Variants in MS4A4E observed in about 807,000 individuals in gnomAD.
MS4A4E encodes the protein putative membrane-spanning 4-domains subfamily A member 4E.
A neutral mutation model predicts 13.3 loss-of-function variants in MS4A4E; 23 were observed. The ratio of observed to expected loss-of-function variants is 1.73; its 90% CI spans 1.25 to 2.45. The LOEUF (loss-of-function observed/expected upper bound fraction) is 2.45, where lower values mean the gene tolerates loss of function less well. Among genes scored for constraint, MS4A4E ranks in the 30% most tolerant of loss-of-function variants. The pLI, the probability that MS4A4E is intolerant of heterozygous loss-of-function variation, is 0.00. For synonymous variants in MS4A4E, 36 were observed against 45.6 expected (o/e 0.79, Z 0.85); for missense variants, 144 against 131.2 (o/e 1.10, Z -0.48).
At chr11:60,206,246 G>A (rs566460613) in intron 6 of MS4A4E, among the ~76,000 whole-genome samples, 14 of 151,912 alleles carry the variant, frequency 9.2e-5, no homozygotes, top group South Asian at 2.1e-4. Flanking sequence ...TGGAGACCTC[G>A]TTTTAGCAAT....
rs867127647 is a variant in MS4A4E at position 60,201,045 on chromosome 11, T to G, written c.*498A>C. ...GACCCCCCCACCTCCCTCCCAGACG[T>G]GGTGGCTGGCCGGGTGGGGGGCTGA... On this transcript the variant is annotated 3_prime_UTR_variant, in exon 9 of 9. Transcript: ENST00000651255. Among the ~76,000 whole-genome samples the G allele has an allele frequency of 5.7e-5, 5 of 88,234 alleles. No individual in the cohort carries two copies. The highest frequency in any genetic ancestry group is 8.9e-5 in the Non-Finnish European group (4 of 44,798). The allele number at this position is 88,234 out of a possible 152,430, so 57.9% of individuals were successfully genotyped here. A position where few individuals can be genotyped will look rare whatever the true frequency, so the allele number is the denominator to read the frequency against.
At chr11:60,225,966 G>A (rs1202276366) in intron 3 of MS4A4E, among the ~76,000 whole-genome samples, 1 of 151,568 alleles carries the variant, frequency 6.6e-6, no homozygotes, top group African/African-American at 2.4e-5. Context: ...AAGTGAAAGG[G>A]GGAATATCAC....
At position 60,200,842 on chromosome 11, in the gene MS4A4E, G is replaced by C. The variant is rs1201678449; in HGVS notation, c.*701C>G. Among the ~76,000 whole-genome samples, 2 of 151,130 alleles carry C rather than the reference G, an allele frequency of 1.3e-5. No homozygotes were observed. The highest frequency in any genetic ancestry group is 4.9e-5 in the African/African-American group (2 of 40,646). ...GATGGGGTGGTGGCCGGGCAGAGGG[G>C]CTCCTCACTTCCCAGTAGGGGCGGC... On this transcript the variant is annotated 3_prime_UTR_variant, in exon 9 of 9. Transcript: ENST00000651255.
At chr11:60,203,904 A>G (rs1000781056) in intron 8 of MS4A4E, among the ~76,000 whole-genome samples, 6 of 152,254 alleles carry the variant, frequency 3.9e-5, no homozygotes, top group Non-Finnish European at 1.5e-5. Flanking sequence ...TTAAAATTGC[A>G]TGATATGAAA....
At chr11:60,207,453 T>G (rs1258479474) in intron 6 of MS4A4E, among the ~76,000 whole-genome samples, 1 of 152,156 alleles carries the variant, frequency 6.6e-6, no homozygotes, top group Non-Finnish European at 1.5e-5. Flanking sequence ...GGTTTTACAA[T>G]GCAAAACCCC....
At chr11:60,231,340 A>C (rs139351206) in intron 1 of MS4A4E, among the ~76,000 whole-genome samples, 1 of 151,986 alleles carries the variant, frequency 6.6e-6, no homozygotes, top group Admixed American at 6.5e-5. Flanking sequence ...GAAATAAATA[A>C]TGTAAATGTG....
rs1299473276 is a variant in MS4A4E at position 60,200,937 on chromosome 11, C to T, written c.*606G>A. On this transcript the variant is annotated 3_prime_UTR_variant, in exon 9 of 9. Transcript: ENST00000651255. The stretch of plus-strand genomic sequence containing the variant: ...GCGGGGGGCTGACCCCTCCACCTCC[C>T]TCCCGGACGGGGCGGCTGGCCGGGT... Among the ~76,000 whole-genome samples, 3 of 149,244 alleles carry T rather than the reference C, an allele frequency of 2.0e-5. No homozygotes were observed. The highest frequency in any genetic ancestry group is 2.1e-4 in the South Asian group (1 of 4,738).
intron 3 of MS4A4E, chr11:60,225,159 C>A: frequency 1.5e-6 from 2 of 1,371,418 alleles, no homozygotes; most frequent in Middle Eastern, 3.8e-4. Context: ...ACTCCCTTTC[C>A]AATCACTAAG....
chr11:60,235,788 G>A (rs974599353), intron 1 of MS4A4E, among the ~76,000 whole-genome samples: 5 of 152,070 alleles, frequency 3.3e-5, no homozygotes, highest in Non-Finnish European at 7.4e-5. Context: ...AATAAGGCCT[G>A]CTATTTTATT....
intron 1 of MS4A4E, among the ~76,000 whole-genome samples, chr11:60,235,018 T>C (rs1045378788): frequency 2.0e-5 from 3 of 152,154 alleles, no homozygotes; most frequent in Non-Finnish European, 4.4e-5. Flanking sequence ...TTAGGTCAGA[T>C]AAAATAAACT....
intron 1 of MS4A4E, among the ~76,000 whole-genome samples, chr11:60,231,268 T>C (rs986166772): frequency 1.3e-5 from 2 of 150,474 alleles, no homozygotes; most frequent in Non-Finnish European, 3.0e-5. Context: ...AGTACAAAAT[T>C]ACAAATTATA....
intron 1 of MS4A4E, among the ~76,000 whole-genome samples, chr11:60,235,018 T>A (rs1045378788): frequency 2.0e-5 from 3 of 152,154 alleles, no homozygotes; most frequent in African/African-American, 7.2e-5. Context: ...TTAGGTCAGA[T>A]AAAATAAACT....
At chr11:60,226,625 G>C (rs1420416396) in intron 3 of MS4A4E, among the ~76,000 whole-genome samples, 1 of 152,130 alleles carries the variant, frequency 6.6e-6, no homozygotes, top group Non-Finnish European at 1.5e-5. Flanking sequence ...ACTATTAATA[G>C]AGGATAACTT....
intron 3 of MS4A4E, among the ~76,000 whole-genome samples, chr11:60,217,765 C>A (rs990412018): frequency 6.6e-6 from 1 of 152,208 alleles, no homozygotes; most frequent in African/African-American, 2.4e-5. Context: ...CTATGCCCGT[C>A]TTTACTTTCA....
chr11:60,232,725 C>A (rs1395983446), intron 1 of MS4A4E, among the ~76,000 whole-genome samples: 4 of 152,190 alleles, frequency 2.6e-5, no homozygotes, highest in African/African-American at 9.7e-5. Context: ...GCTGCCCCTT[C>A]TTGGAACTGA....
At chr11:60,211,719 G>A (rs1388475224) in intron 5 of MS4A4E, among the ~76,000 whole-genome samples, 3 of 152,068 alleles carry the variant, frequency 2.0e-5, no homozygotes, top group African/African-American at 7.2e-5. Flanking sequence ...TCAAGACCAG[G>A]CTGGCCAACA....
At chr11:60,224,819 A>G in intron 3 of MS4A4E, 1 of 565,084 alleles carries the variant, frequency 1.8e-6, no homozygotes, top group Non-Finnish European at 2.7e-6. Flanking sequence ...ACTATTTTAA[A>G]TATGAGAAAA....
intron 1 of MS4A4E, among the ~76,000 whole-genome samples, chr11:60,240,668 A>G (rs920323558): frequency 2.0e-5 from 3 of 152,156 alleles, no homozygotes; most frequent in African/African-American, 7.2e-5. Flanking sequence ...GTTGTTCTAA[A>G]GTAATTTCAT....
At chr11:60,229,534 A>C (rs1225197540) in intron 2 of MS4A4E, among the ~76,000 whole-genome samples, 1 of 152,230 alleles carries the variant, frequency 6.6e-6, no homozygotes, top group Non-Finnish European at 1.5e-5. Flanking sequence ...TAGGCTAAGA[A>C]AAGCTGCAAG....
Sources: allele counts gnomAD v4.1 joint callset (sites outside exome capture counted in the v4.1 genomes callset), GRCh38; gene constraint gnomAD v4.1.1; transcripts MANE v1.5; gene names NCBI Gene and HGNC (gene_info 2026-07-23, HGNC 2026-07-21).